The following BCL11A variants were observed in gnomAD, a reference collection of about 807,000 sequenced individuals.
The protein encoded by BCL11A is B cell CLL/lymphoma 11A.
Under a neutral mutation model 55.9 loss-of-function variants are expected in BCL11A, and 2 were observed. The ratio of observed to expected loss-of-function variants is 0.04; its 90% CI spans 0.01 to 0.11. BCL11A has a LOEUF of 0.11. Among genes scored for constraint, BCL11A ranks in the 10% least tolerant of loss-of-function variants. The pLI, the probability that BCL11A is intolerant of heterozygous loss-of-function variation, is 1.00. For missense variants in BCL11A, 817 were observed against 1,137.1 expected, an observed-to-expected ratio of 0.72 and a Z score of 4.05; for synonymous variants, 465 against 473.4, an observed-to-expected ratio of 0.98 and a Z score of 0.23.
Position 60,462,064 on chromosome 2 carries a change from C to A in BCL11A, c.848G>T (p.Gly283Val). 1 of 1,592,494 alleles carries A rather than the reference C, an allele frequency of 6.3e-7. No homozygotes were observed. Among genetic ancestry groups the A allele is most frequent in the Non-Finnish European group, 8.6e-7 (1 of 1,169,424 alleles). Residue 283 changes from glycine to valine, a missense_variant, in exon 4 of 4, where the codon GGG (glycine) becomes GTG (valine). Gly to Val is a moderately radical substitution (Grantham distance 109). This residue lies in a region of BCL11A where 363 missense variants were observed against 486.6 expected (regional missense o/e 0.75). Transcript: ENST00000642384. ...GGTGGCCAGGGCCATCTCTTCCGCC[C>A]CCAGGCGCTCTATGCGGTGGGGGTC... ...HLDPHRIERL[G>V]AEEMALATHH...
chr2:60,502,869 G>C (rs1391111019), intron 2 of BCL11A, among the ~76,000 whole-genome samples: 1 of 152,208 alleles, frequency 6.6e-6, no homozygotes, highest in Non-Finnish European at 1.5e-5. Context: ...CAAGTCTCGA[G>C]TGGGTAAAAT....
intron 2 of BCL11A, among the ~76,000 whole-genome samples, chr2:60,498,365 G>A (rs550465787): frequency 2.6e-5 from 4 of 152,022 alleles, no homozygotes; most frequent in African/African-American, 4.8e-5. Flanking sequence ...TCCCTACCGC[G>A]ACCCCTATCA....
At chr2:60,527,634 G>C (rs1558483807) in intron 2 of BCL11A, 1 of 152,200 alleles carries the variant, frequency 6.6e-6, no homozygotes, top group Non-Finnish European at 1.5e-5. Context: ...AGCCTCCCTT[G>C]GTTCTAGCAG....
intron 1 of BCL11A, among the ~76,000 whole-genome samples, chr2:60,549,467 G>C (rs538741385): frequency 6.6e-6 from 1 of 152,240 alleles, no homozygotes; most frequent in Admixed American, 6.5e-5. Flanking sequence ...AAAGCCGGGG[G>C]CTACAGGCCC....
At chr2:60,465,229 A>T (rs1311918824) in intron 3 of BCL11A, among the ~76,000 whole-genome samples, 1 of 152,250 alleles carries the variant, frequency 6.6e-6, no homozygotes, top group Non-Finnish European at 1.5e-5. Flanking sequence ...TTGTGAAATT[A>T]CTTTGTTCAT....
chr2:60,507,895 T>A (rs1380233674), intron 2 of BCL11A, among the ~76,000 whole-genome samples: 4 of 152,078 alleles, frequency 2.6e-5, no homozygotes, highest in Non-Finnish European at 5.9e-5. Flanking sequence ...TTACTATGGA[T>A]TATTATTACA....
intron 2 of BCL11A, among the ~76,000 whole-genome samples, chr2:60,523,967 T>C (rs1669097938): frequency 6.6e-6 from 1 of 152,194 alleles, no homozygotes. Flanking sequence ...CAGCCAGAGA[T>C]CTAAAACTTT....
chr2:60,502,825 G>A (rs1679367857), intron 2 of BCL11A, among the ~76,000 whole-genome samples: 1 of 152,216 alleles, frequency 6.6e-6, no homozygotes. Flanking sequence ...CAGAAACTAT[G>A]TGACCAGGGG....
chr2:60,524,145 C>T (rs1669106675), intron 2 of BCL11A, among the ~76,000 whole-genome samples: 1 of 152,218 alleles, frequency 6.6e-6, no homozygotes, highest in Non-Finnish European at 1.5e-5. Context: ...CTATATATCA[C>T]ATTGTGACAC....
At chr2:60,524,637 T>C (rs1227140073) in intron 2 of BCL11A, 2 of 152,184 alleles carry the variant, frequency 1.3e-5, no homozygotes, top group African/African-American at 4.8e-5. Flanking sequence ...TAAATTACCT[T>C]TTTATTGAAG....
intron 2 of BCL11A, among the ~76,000 whole-genome samples, chr2:60,523,804 CA>C (rs1334608056): frequency 1.3e-5 from 2 of 152,062 alleles, no homozygotes; most frequent in Non-Finnish European, 2.9e-5. Context: ...AATGAATCAC[CA>C]AGGCACAGAA....
In BCL11A at chr2:60,458,396, C is replaced by T. The variant is rs1676043370; in HGVS notation, c.*2008G>A. ...GACAATGGAACCCTAAAATGCAGTT[C>T]CCCCCTAAACATAATGAAGTGTTTT... On this transcript the variant is annotated 3_prime_UTR_variant, in exon 4 of 4. Coordinates refer to ENST00000642384, the MANE Select transcript of BCL11A (RefSeq NM_022893.4). 1 of 1,022,166 alleles carries T rather than the reference C, an allele frequency of 9.8e-7. No homozygotes were observed. The highest frequency in any genetic ancestry group is 1.2e-6 in the Non-Finnish European group (1 of 851,286). 63.3% of individuals were successfully genotyped at this position (1,022,166 alleles called of 1,614,324 possible). A position where few individuals can be genotyped will look rare whatever the true frequency, so the allele number is the denominator to read the frequency against.
intron 2 of BCL11A, among the ~76,000 whole-genome samples, chr2:60,479,005 A>G (rs1313459088): frequency 1.3e-5 from 2 of 151,230 alleles, no homozygotes; most frequent in African/African-American, 4.9e-5. Flanking sequence ...TTTTTACCCA[A>G]TTTCCTAATC....
chr2:60,538,632 T>C (rs1244956327), intron 2 of BCL11A: 2 of 152,180 alleles, frequency 1.3e-5, no homozygotes, highest in African/African-American at 2.4e-5. Context: ...AATATTTTAA[T>C]GGAATTCCAG....
At chr2:60,471,616 A>C (rs1677202367) in intron 2 of BCL11A, among the ~76,000 whole-genome samples, 1 of 152,252 alleles carries the variant, frequency 6.6e-6, no homozygotes, top group Non-Finnish European at 1.5e-5. Flanking sequence ...TCCCAGGCCA[A>C]GGTGGGGAAA....
intron 2 of BCL11A, among the ~76,000 whole-genome samples, chr2:60,502,864 C>G (rs1679369242): frequency 6.6e-6 from 1 of 152,122 alleles, no homozygotes; most frequent in Admixed American, 6.5e-5. Context: ...AGAATCAAGT[C>G]TCGAGTGGGT....
At chr2:60,482,643 A>G (rs184797048) in intron 2 of BCL11A, among the ~76,000 whole-genome samples, 48 of 152,358 alleles carry the variant, frequency 3.2e-4, no homozygotes, top group African/African-American at 4.8e-4. Flanking sequence ...ATAATTAAGT[A>G]TCACCCAACC....
chr2:60,548,581 T>A (rs1274773833), intron 1 of BCL11A, among the ~76,000 whole-genome samples: 2 of 152,208 alleles, frequency 1.3e-5, no homozygotes, highest in African/African-American at 4.8e-5. Context: ...GGAGGCAAAG[T>A]TCTTGAAAAT....
At chr2:60,477,422 T>C (rs925160741) in intron 2 of BCL11A, among the ~76,000 whole-genome samples, 1 of 151,910 alleles carries the variant, frequency 6.6e-6, no homozygotes, top group Non-Finnish European at 1.5e-5. Context: ...CTTGAGAAAA[T>C]ACTAGAATAA....
Sources: allele counts gnomAD v4.1 joint callset (sites outside exome capture counted in the v4.1 genomes callset), GRCh38; gene constraint gnomAD v4.1.1; regional missense constraint gnomAD v4.1.1; transcripts MANE v1.5; gene names NCBI Gene and HGNC (gene_info 2026-07-23, HGNC 2026-07-21).